LRMDA: variants seen among roughly 807,000 people sequenced by gnomAD.
The protein encoded by LRMDA is leucine rich melanocyte differentiation associated.
A neutral mutation model predicts 29.8 loss-of-function variants in LRMDA; 18 were observed. The ratio of observed to expected loss-of-function variants is 0.60; its 90% CI spans 0.42 to 0.90. The LOEUF is 0.90. LRMDA is among the 40% of genes least tolerant of loss of function. LRMDA has a pLI of 0.00. For missense variants in LRMDA, 273 were observed against 273.9 expected, an observed-to-expected ratio of 1.00 and a Z score of 0.02; for synonymous variants, 125 against 109.4, an observed-to-expected ratio of 1.14 and a Z score of -0.89.
At chr10:76,482,562 A>G (rs1842742575) in intron 6 of LRMDA, among the ~76,000 whole-genome samples, 1 of 151,892 alleles carries the variant, frequency 6.6e-6, no homozygotes, top group African/African-American at 2.4e-5. Flanking sequence ...CTGGATGAAT[A>G]TTTCACAGTT....
At chr10:75,610,721 A>T (rs565043044) in intron 2 of LRMDA, among the ~76,000 whole-genome samples, 10 of 152,262 alleles carry the variant, frequency 6.6e-5, no homozygotes, top group Admixed American at 6.5e-5. Flanking sequence ...TCTTTATAAT[A>T]GGCAATACAT....
At chr10:75,720,969 C>A (rs1200639534) in intron 2 of LRMDA, among the ~76,000 whole-genome samples, 1 of 152,220 alleles carries the variant, frequency 6.6e-6, no homozygotes, top group Non-Finnish European at 1.5e-5. Context: ...TATTTCAAAT[C>A]ATCAGAATGA....
intron 2 of LRMDA, among the ~76,000 whole-genome samples, chr10:75,689,066 C>T (rs1258338415): frequency 6.6e-6 from 1 of 151,502 alleles, no homozygotes; most frequent in African/African-American, 2.4e-5. Context: ...TTTGCTTTAT[C>T]ATGATATTTG....
intron 2 of LRMDA, among the ~76,000 whole-genome samples, chr10:75,832,522 A>G (rs918167271): frequency 6.6e-6 from 1 of 152,180 alleles, no homozygotes; most frequent in East Asian, 1.9e-4. Flanking sequence ...TGAGCCCTCC[A>G]GACTGTTCCA....
intron 5 of LRMDA, among the ~76,000 whole-genome samples, chr10:76,226,823 C>T (rs145006385): frequency 1.1e-4 from 17 of 152,272 alleles, no homozygotes; most frequent in African/African-American, 3.6e-4. Flanking sequence ...GATGTTGTGA[C>T]ATGCATCTTG....
At position 75,486,105 on chromosome 10, in the gene LRMDA, T is replaced by G. The variant is rs1049584052; in HGVS notation, c.131+47611T>G. On this transcript the variant is annotated intron_variant, in intron 2 of 6. Coordinates refer to ENST00000611255, the MANE Select transcript of LRMDA (RefSeq NM_001305581.2). ...TGCATTTTTTGTGTTCTAGGTATTT[T>G]GGGATTTTGATTTTAATTTTCTCTT... Among the ~76,000 whole-genome samples, 20 of 152,338 alleles carry G rather than the reference T, an allele frequency of 1.3e-4. 1 individual carries two copies. The highest frequency in any genetic ancestry group is 4.3e-4 in the African/African-American group (18 of 41,582).
intron 6 of LRMDA, among the ~76,000 whole-genome samples, chr10:76,386,422 G>A (rs1285914683): frequency 6.6e-6 from 1 of 152,162 alleles, no homozygotes; most frequent in Non-Finnish European, 1.5e-5. Context: ...TTCTACATGG[G>A]GAAGTTTGTT....
At chr10:75,484,446 T>G (rs899398934) in intron 2 of LRMDA, among the ~76,000 whole-genome samples, 3 of 152,220 alleles carry the variant, frequency 2.0e-5, no homozygotes, top group Non-Finnish European at 4.4e-5. Context: ...AGGTTCTATT[T>G]GCTAAAATTT....
intron 6 of LRMDA, among the ~76,000 whole-genome samples, chr10:76,358,977 A>T (rs1383433346): frequency 6.6e-6 from 1 of 152,174 alleles, no homozygotes; most frequent in Non-Finnish European, 1.5e-5. Flanking sequence ...CAGTCTCATC[A>T]GCACACAGAT....
At chr10:76,077,931 A>G (rs534806927) in intron 5 of LRMDA, among the ~76,000 whole-genome samples, 34 of 143,150 alleles carry the variant, frequency 2.4e-4, no homozygotes, top group Admixed American at 1.1e-3. Context: ...GCCCTCTGGT[A>G]TACTTGGCCT....
chr10:76,397,897 G>A (rs1051806712), intron 6 of LRMDA, among the ~76,000 whole-genome samples: 3 of 152,158 alleles, frequency 2.0e-5, no homozygotes, highest in African/African-American at 7.2e-5. Flanking sequence ...TTCACTAACC[G>A]AAAAGTATTA....
At chr10:76,445,512 A>G (rs1426692453) in intron 6 of LRMDA, among the ~76,000 whole-genome samples, 2 of 152,252 alleles carry the variant, frequency 1.3e-5, no homozygotes. Flanking sequence ...CATGCACAGC[A>G]GTAAATTCTT....
intron 2 of LRMDA, among the ~76,000 whole-genome samples, chr10:75,879,025 G>A (rs1012537895): frequency 1.3e-5 from 2 of 152,176 alleles, no homozygotes; most frequent in African/African-American, 4.8e-5. Context: ...TGCTGTCTTG[G>A]ACATTGCTTC....
chr10:75,449,444 A>T (rs1219007329), intron 2 of LRMDA, among the ~76,000 whole-genome samples: 1 of 152,082 alleles, frequency 6.6e-6, no homozygotes, highest in Non-Finnish European at 1.5e-5. Context: ...TTCATGGTGT[A>T]AATCTTTTTT....
At chr10:75,768,465 T>C (rs1235894581) in intron 2 of LRMDA, among the ~76,000 whole-genome samples, 4 of 152,228 alleles carry the variant, frequency 2.6e-5, no homozygotes, top group African/African-American at 7.2e-5. Context: ...AGCTGGTGAA[T>C]ACTGTAGTTG....
intron 2 of LRMDA, among the ~76,000 whole-genome samples, chr10:75,954,213 C>G (rs921862041): frequency 1.3e-5 from 2 of 152,144 alleles, no homozygotes; most frequent in African/African-American, 2.4e-5. Context: ...AGAGCACAGA[C>G]ATGTGGGGAC....
rs572871555 is a variant in LRMDA at position 76,343,263 on chromosome 10, A to T, written c.601+18778A>T. ...TCCAAATTTCTTTTGTGAAGTACAT[A>T]AGGCCTTTACAGAAACACTGATAAG... On this transcript the variant is annotated intron_variant, in intron 6 of 6. Transcript: ENST00000611255. Among the ~76,000 whole-genome samples, 13 of 152,366 alleles carry T rather than the reference A, an allele frequency of 8.5e-5. No homozygotes were observed. The South Asian group carries it at 2.7e-3, about 32-fold the overall frequency.
intron 2 of LRMDA, among the ~76,000 whole-genome samples, chr10:75,563,858 T>G (rs9416071): frequency 6.6e-6 from 1 of 151,876 alleles, no homozygotes; most frequent in African/African-American, 2.4e-5. Context: ...TTTCGTGAAC[T>G]GCGAATGCTG....
chr10:76,008,520 C>T (rs1172559731), intron 2 of LRMDA, among the ~76,000 whole-genome samples: 1 of 152,222 alleles, frequency 6.6e-6, no homozygotes, highest in African/African-American at 2.4e-5. Flanking sequence ...AGGCTGGCTT[C>T]TCTCTTGAGG....
Sources: allele counts gnomAD v4.1 joint callset (sites outside exome capture counted in the v4.1 genomes callset), GRCh38; gene constraint gnomAD v4.1.1; transcripts MANE v1.5; gene names NCBI Gene and HGNC (gene_info 2026-07-23, HGNC 2026-07-21).